PTK2: variants seen among roughly 807,000 people sequenced by gnomAD.
The protein encoded by PTK2 is protein tyrosine kinase 2, also known as focal adhesion kinase 1.
In PTK2, 45 loss-of-function variants were observed where a neutral mutation model predicts 150.1. The observed-to-expected ratio is 0.30, with a 90% CI of 0.24 to 0.38. PTK2 has a LOEUF of 0.38. Among genes scored for constraint, PTK2 ranks in the 10% least tolerant of loss-of-function variants. The pLI, the probability that PTK2 is intolerant of heterozygous loss-of-function variation, is 1.00. For missense variants in PTK2, 919 were observed against 1,307.3 expected (o/e 0.70, Z 4.58); for synonymous variants, 432 against 449.2 (o/e 0.96, Z 0.48).
chr8:140,733,203 C>T (rs2100050577), intron 22 of PTK2, among the ~76,000 whole-genome samples: 2 of 152,062 alleles, frequency 1.3e-5, no homozygotes, highest in Admixed American at 6.6e-5. Context: ...AAGATAAAGG[C>T]ACTATTCCAA....
At chr8:140,823,266 C>A (rs1001465598) in intron 8 of PTK2, among the ~76,000 whole-genome samples, 1 of 152,072 alleles carries the variant, frequency 6.6e-6, no homozygotes, top group Admixed American at 6.5e-5. Context: ...ATGCAGTGAT[C>A]AAAAATTATG....
chr8:140,910,743 C>T (rs1029232675), intron 2 of PTK2, among the ~76,000 whole-genome samples: 2 of 152,162 alleles, frequency 1.3e-5, no homozygotes, highest in African/African-American at 2.4e-5. Context: ...AGTGACTGGA[C>T]ATCTCAGTAA....
rs1462191773 is a variant in PTK2, at chr8:140,722,705, C to T, written c.2031-4996G>A. Among the ~76,000 whole-genome samples, 14 of 152,148 alleles carry T rather than the reference C, an allele frequency of 9.2e-5. 1 individual carries two copies. Among genetic ancestry groups the T allele is most frequent in the Admixed American group, 9.2e-4 (14 of 15,272 alleles). On this transcript the variant is annotated intron_variant, in intron 22 of 31. Transcript: ENST00000522684. The stretch of plus-strand genomic sequence containing the variant: ...ATCCCTGGTTAGTGGTTTTACAGTG[C>T]CCTGCTCTCTATTGCCTCACCCTTA...
At chr8:140,666,218 G>A (rs1487302027) in intron 30 of PTK2, among the ~76,000 whole-genome samples, 1 of 152,068 alleles carries the variant, frequency 6.6e-6, no homozygotes, top group African/African-American at 2.4e-5. Flanking sequence ...CATGCCTGTA[G>A]TCCCAGCTAC....
At chr8:140,733,677 A>C (rs2100050877) in intron 22 of PTK2, among the ~76,000 whole-genome samples, 1 of 152,226 alleles carries the variant, frequency 6.6e-6, no homozygotes, top group African/African-American at 2.4e-5. Flanking sequence ...AAGTTATATG[A>C]GAATTAATTA....
chr8:140,706,274 A>C (rs2100033751), intron 23 of PTK2, 69 bp from the exon 27 acceptor site: 4 of 1,206,824 alleles, frequency 3.3e-6, no homozygotes, highest in Non-Finnish European at 4.9e-6. Context: ...TTATGAATCG[A>C]AAAAGACATT....
rs374739158 is a variant in PTK2, at chr8:140,752,192, A to C, written c.1417+40T>G. The C allele has an allele frequency of 7.0e-5, 105 of 1,504,270 alleles. No individual in the cohort carries two copies. In the African/African-American group the frequency reaches 1.1e-3, roughly 16 times the overall value. The allele number at this position is 1,504,270 out of a possible 1,614,324, so 93.2% of individuals were successfully genotyped here. On this transcript the variant is annotated intron_variant, in intron 17 of 31. Transcript: ENST00000522684. ...GAGACAGTTTGGATTTCACAGATAG[A>C]AAGTCAAATGGAGTTCCACAGAAAT...
At chr8:140,813,243 C>A (rs186742184) in intron 10 of PTK2, among the ~76,000 whole-genome samples, 1 of 152,130 alleles carries the variant, frequency 6.6e-6, no homozygotes, top group African/African-American at 2.4e-5. Flanking sequence ...CAAAACCACA[C>A]AATTATATGG....
intron 23 of PTK2, among the ~76,000 whole-genome samples, chr8:140,712,562 A>G (rs2100037418): frequency 6.6e-6 from 1 of 152,180 alleles, no homozygotes; most frequent in Non-Finnish European, 1.5e-5. Context: ...AAGGGGGGAA[A>G]AAAGGAGAAA....
chr8:140,820,442 G>C (rs1012098343), intron 8 of PTK2, among the ~76,000 whole-genome samples: 3 of 152,022 alleles, frequency 2.0e-5, no homozygotes, highest in African/African-American at 7.2e-5. Context: ...ACTGTGTTGT[G>C]AACAGTATGA....
chr8:140,823,105 A>C (rs909396695), intron 8 of PTK2, among the ~76,000 whole-genome samples: 5 of 152,226 alleles, frequency 3.3e-5, no homozygotes, highest in Non-Finnish European at 5.9e-5. Flanking sequence ...GATACAATAA[A>C]TTGGAATATG....
intron 14 of PTK2, among the ~76,000 whole-genome samples, chr8:140,779,250 A>G (rs202128537): frequency 4.6e-4 from 48 of 104,618 alleles, no homozygotes; most frequent in Middle Eastern, 4.6e-3. Context: ...CGATGGAAAA[A>G]AAAAAAAAAG....
intron 22 of PTK2, among the ~76,000 whole-genome samples, chr8:140,719,887 CAAAAAAAAAAAA>C (rs71308987): frequency 8.0e-4 from 73 of 90,854 alleles, no homozygotes; most frequent in Middle Eastern, 6.1e-3. Context: ...CTTGTCTCAC[CAAAAAAAAAAAA>C]AAAAAAAAAA....
chr8:140,913,435 A>AC (rs2100164024), intron 2 of PTK2, among the ~76,000 whole-genome samples: 1 of 151,796 alleles, frequency 6.6e-6, no homozygotes, highest in South Asian at 2.1e-4. Flanking sequence ...AGCTGGGTCT[A>AC]CAAGTACACG....
At chr8:140,895,820 C>G (rs536866417) in intron 2 of PTK2, among the ~76,000 whole-genome samples, 6 of 152,188 alleles carry the variant, frequency 3.9e-5, no homozygotes, top group African/African-American at 1.4e-4. Flanking sequence ...ATCAAAACGT[C>G]TCATGTACCC....
chr8:140,718,406 T>C (rs969273278), intron 22 of PTK2: 5 of 152,196 alleles, frequency 3.3e-5, no homozygotes, highest in Non-Finnish European at 7.3e-5. Context: ...ATCTTGGCTG[T>C]TTGCCATCAC....
At position 140,908,555 on chromosome 8, in the gene PTK2, G is replaced by C. The variant is rs144591204; in HGVS notation, c.-33+17106C>G. On this transcript the variant is annotated intron_variant, in intron 2 of 31. Coordinates refer to ENST00000522684, the Ensembl canonical transcript of PTK2. ...GCTTCAAAGCTTCAGAGGACAGGCT[G>C]TCTCTCATTAGGGGCTAATGCAGCT... Among the ~76,000 whole-genome samples, 520 of 152,338 alleles carry C rather than the reference G, an allele frequency of 3.4e-3. 4 individuals are homozygous for C. The highest frequency in any genetic ancestry group is 0.012 in the African/African-American group (505 of 41,594).
At chr8:140,779,260 G>GAAAAAAAAAAAAAAAA (rs1205584407) in intron 14 of PTK2, among the ~76,000 whole-genome samples, 1 of 119,514 alleles carries the variant, frequency 8.4e-6, no homozygotes. Flanking sequence ...AAAAAAAAAA[G>GAAAAAAAAAAAAAAAA]AAAAAAAAAA....
rs188487528 is a variant in PTK2, at chr8:140,826,862, G to C, written c.648+3610C>G. 2.5e-3 allele frequency among the ~76,000 whole-genome samples: 375 copies of C among 152,222 alleles called. 1 individual carries two copies. Among genetic ancestry groups the C allele is most frequent in the African/African-American group, 8.1e-3 (335 of 41,534 alleles). Reference sequence around the variant, plus strand: ...GAACCTGAGTGGCCGAGGCTGCAGTGAGCCAAGATCGCGCCAATGCACTCC... The same window carrying C: ...GAACCTGAGTGGCCGAGGCTGCAGTCAGCCAAGATCGCGCCAATGCACTCC... On this transcript the variant is annotated intron_variant, in intron 8 of 31. Transcript: ENST00000522684.
Sources: gnomAD v4.1 joint callset for allele counts (sites outside exome capture counted in the v4.1 genomes callset) on GRCh38, gnomAD v4.1.1 for gene constraint, MANE v1.5 for transcripts, NCBI Gene and HGNC (gene_info 2026-07-23, HGNC 2026-07-21) for gene names.